SNTG2: variants seen among roughly 807,000 people sequenced by gnomAD.
The protein encoded by SNTG2 is syntrophin gamma 2, also known as gamma-2-syntrophin.
In SNTG2, 74 loss-of-function variants were observed where a neutral mutation model predicts 70.9. The observed-to-expected ratio is 1.04, with a 90% CI of 0.86 to 1.27. SNTG2 has a LOEUF of 1.27. Among genes scored for constraint, SNTG2 ranks in the 50% most tolerant of loss-of-function variants. The pLI is 0.00. For synonymous variants in SNTG2, 278 were observed against 273.8 expected (o/e 1.02, Z -0.15); for missense variants, 717 against 690.7 (o/e 1.04, Z -0.43).
At chr2:1,244,189 C>T (rs925658896) in intron 11 of SNTG2, among the ~76,000 whole-genome samples, 2 of 152,196 alleles carry the variant, frequency 1.3e-5, no homozygotes, top group African/African-American at 2.4e-5. Context: ...GTATTTGTTT[C>T]GTGAATTTTA....
chr2:1,221,909 GTCTCTGTC>G (rs1242617325), intron 9 of SNTG2, among the ~76,000 whole-genome samples: 1 of 6,348 alleles, frequency 1.6e-4, no homozygotes, highest in Non-Finnish European at 2.6e-4. Flanking sequence ...CTCTGTCTCT[GTCTCTGTC>G]TCTCTCTGTC....
chr2:1,119,041 G>A (rs1435628175), intron 4 of SNTG2, among the ~76,000 whole-genome samples: 2 of 152,120 alleles, frequency 1.3e-5, no homozygotes, highest in African/African-American at 4.8e-5. Flanking sequence ...GTGTCAAGTT[G>A]CATATAAAGG....
intron 9 of SNTG2, among the ~76,000 whole-genome samples, chr2:1,228,419 C>G (rs988641062): frequency 6.6e-6 from 1 of 152,246 alleles, no homozygotes; most frequent in Non-Finnish European, 1.5e-5. Context: ...TGTCCAGCCC[C>G]TGGGAGACCC....
intron 9 of SNTG2, among the ~76,000 whole-genome samples, chr2:1,223,867 G>A (rs928553356): frequency 2.7e-5 from 4 of 148,598 alleles, no homozygotes; most frequent in African/African-American, 1.0e-4. Flanking sequence ...GTGGCCTTAC[G>A]CAGCACACAG....
At chr2:1,144,332 C>A (rs1250534921) in intron 6 of SNTG2, among the ~76,000 whole-genome samples, 1 of 152,126 alleles carries the variant, frequency 6.6e-6, no homozygotes, top group East Asian at 1.9e-4. Flanking sequence ...AAGGACATAA[C>A]AAATTTCAAC....
intron 1 of SNTG2, among the ~76,000 whole-genome samples, chr2:1,028,027 C>T (rs1459790373): frequency 6.6e-6 from 1 of 151,560 alleles, no homozygotes; most frequent in Non-Finnish European, 1.5e-5. Flanking sequence ...GCAAGTAACT[C>T]ATGCATCTCT....
chr2:1,086,106 G>C (rs1490938062), intron 2 of SNTG2, among the ~76,000 whole-genome samples: 4 of 152,188 alleles, frequency 2.6e-5, no homozygotes, highest in Non-Finnish European at 4.4e-5. Context: ...TATAATCTAA[G>C]GGATGCTCTC....
chr2:1,359,294 CA>C (rs1558230553), intron 16 of SNTG2, among the ~76,000 whole-genome samples: 1 of 152,048 alleles, frequency 6.6e-6, no homozygotes, highest in Non-Finnish European at 1.5e-5. Flanking sequence ...TATCAGTGCT[CA>C]AAAAGATTTA....
At position 1,103,422 on chromosome 2, in the gene SNTG2, C is replaced by T. The variant is rs150442031; in HGVS notation, c.325+5012C>T. The T allele has an allele frequency of 2.8e-3, 736 of 260,290 alleles. 16 individuals carry two copies. The Admixed American group carries it at 0.036, about 13-fold the overall frequency. 16.1% of individuals were successfully genotyped at this position (260,290 alleles called of 1,614,324 possible). A position where few individuals can be genotyped will look rare whatever the true frequency, so the allele number is the denominator to read the frequency against. On this transcript the variant is annotated intron_variant, in intron 4 of 16. Transcript: ENST00000308624. ...TTTTTTAGATGGAGTCTTGCTCTGTCGCCCAGGCTGGAGTGCAGTGGTGAG... is the reference window on the plus strand; with the variant it reads ...TTTTTTAGATGGAGTCTTGCTCTGTTGCCCAGGCTGGAGTGCAGTGGTGAG...
At chr2:972,510 T>A (rs1044045801) in intron 1 of SNTG2, among the ~76,000 whole-genome samples, 2 of 152,224 alleles carry the variant, frequency 1.3e-5, no homozygotes, top group Non-Finnish European at 2.9e-5. Context: ...TTACAGATGA[T>A]GTGTTATAAT....
intron 9 of SNTG2, among the ~76,000 whole-genome samples, chr2:1,235,926 G>A (rs936785623): frequency 1.3e-5 from 2 of 152,164 alleles, no homozygotes; most frequent in African/African-American, 4.8e-5. Flanking sequence ...GTTTATCGAG[G>A]TGTTCACTGG....
chr2:1,115,909 T>G (rs911414356), intron 4 of SNTG2, among the ~76,000 whole-genome samples: 2 of 152,234 alleles, frequency 1.3e-5, no homozygotes, highest in Non-Finnish European at 2.9e-5. Context: ...TCAAGCCCCA[T>G]TCTGCCCTTT....
intron 4 of SNTG2, among the ~76,000 whole-genome samples, chr2:1,117,610 C>A (rs867861616): frequency 1.3e-5 from 2 of 152,082 alleles, no homozygotes; most frequent in Non-Finnish European, 2.9e-5. Context: ...GAATCAGAAC[C>A]GAGGCGGAGC....
At chr2:1,311,714 T>C (rs1285823441) in intron 15 of SNTG2, among the ~76,000 whole-genome samples, 2 of 152,234 alleles carry the variant, frequency 1.3e-5, no homozygotes, top group East Asian at 3.8e-4. Flanking sequence ...CTTTCTCCGG[T>C]ACCCACATGC....
At chr2:1,360,816 G>A (rs1195124931) in intron 16 of SNTG2, among the ~76,000 whole-genome samples, 1 of 152,172 alleles carries the variant, frequency 6.6e-6, no homozygotes, top group Non-Finnish European at 1.5e-5. Flanking sequence ...TATTTGTAGA[G>A]ATGGAGTCTC....
chr2:1,190,519 A>G (rs1356410701), intron 8 of SNTG2, among the ~76,000 whole-genome samples: 19 of 88,422 alleles, frequency 2.1e-4, no homozygotes, highest in Non-Finnish European at 3.9e-4. Context: ...ATATATATAT[A>G]TATATATATA....
chr2:1,029,998 G>A (rs947261292), intron 1 of SNTG2, among the ~76,000 whole-genome samples: 10 of 152,082 alleles, frequency 6.6e-5, no homozygotes, highest in Admixed American at 4.6e-4. Context: ...AGAGTGACTC[G>A]GCAGCCATTC....
intron 1 of SNTG2, among the ~76,000 whole-genome samples, chr2:1,060,778 A>G (rs1436859123): frequency 3.3e-5 from 5 of 152,270 alleles, no homozygotes; most frequent in African/African-American, 1.2e-4. Flanking sequence ...ATGCCAACTA[A>G]CAAATTGAAA....
intron 16 of SNTG2, among the ~76,000 whole-genome samples, chr2:1,320,056 G>GTTTCCTTTC (rs1435345577): frequency 2.0e-5 from 3 of 152,194 alleles, no homozygotes; most frequent in Non-Finnish European, 4.4e-5. Context: ...AGTGAAATGA[G>GTTTCCTTTC]TGGTAACCAT....
Sources: gnomAD v4.1 joint callset for allele counts (sites outside exome capture counted in the v4.1 genomes callset) on GRCh38, gnomAD v4.1.1 for gene constraint, MANE v1.5 for transcripts, NCBI Gene and HGNC (gene_info 2026-07-23, HGNC 2026-07-21) for gene names.